The following GOLGA4 variants were observed in gnomAD, a reference collection of about 807,000 sequenced individuals.
GOLGA4 encodes the protein golgin subfamily A member 4.
A neutral mutation model predicts 265.9 loss-of-function variants in GOLGA4; 169 were observed. The observed-to-expected ratio is 0.64, with a 90% CI of 0.56 to 0.72. The LOEUF (loss-of-function observed/expected upper bound fraction) is 0.72, where lower values mean the gene tolerates loss of function less well. GOLGA4 is among the 30% of genes least tolerant of loss of function. The probability of loss-of-function intolerance (pLI) is 0.00; values close to 1 mark genes in which losing one functional copy is unlikely to be tolerated. For missense variants in GOLGA4, 2,482 were observed against 2,483.4 expected, an observed-to-expected ratio of 1.00 and a Z score of 0.01; for synonymous variants, 923 against 855.8, an observed-to-expected ratio of 1.08 and a Z score of -1.37.
At chr3:37,270,966 G>T (rs2096797089) in intron 2 of GOLGA4, among the ~76,000 whole-genome samples, 3 of 151,828 alleles carry the variant, frequency 2.0e-5, no homozygotes, top group Admixed American at 2.0e-4. Flanking sequence ...AGGGTGATGG[G>T]AGACAGTGAC....
At chr3:37,330,946 G>A (rs111930530) in intron 16 of GOLGA4, among the ~76,000 whole-genome samples, 86 of 150,942 alleles carry the variant, frequency 5.7e-4, no homozygotes, top group African/African-American at 2.0e-3. Flanking sequence ...CAGGAGAATC[G>A]CTTGAACCTG....
At chr3:37,364,769 G>A (rs2151102752) in intron 23 of GOLGA4, among the ~76,000 whole-genome samples, 1 of 151,212 alleles carries the variant, frequency 6.6e-6, no homozygotes, top group South Asian at 2.1e-4. Flanking sequence ...TTAAAAAAAA[G>A]TTTGTAGATA....
chr3:37,327,550 A>G lies in GOLGA4; in HGVS notation c.5664A>G (p.Gln1888=), dbSNP rs2096975902. The G allele has an allele frequency of 1.2e-6, 2 of 1,613,818 alleles. No homozygotes were observed. Among genetic ancestry groups the G allele is most frequent in the Non-Finnish European group, 1.7e-6 (2 of 1,179,836 alleles). Residue 1888 remains glutamine (Q), a synonymous_variant, in exon 14 of 24, where the codon CAA becomes CAG. Transcript: ENST00000361924. The part of the protein sequence containing the change: ...TSKYEKLQAL[Q]QMDGRNKPTE... ...AATATGAAAAATTACAGGCTTTACA[A>G]CAGATGGATGGAAGAAATAAACCCA...
At position 37,321,780 on chromosome 3, in the gene GOLGA4, A is replaced by G; in HGVS notation, c.1595A>G (p.Gln532Arg). 6.2e-7 allele frequency: 1 copy of G among 1,612,234 alleles called. No homozygotes were observed. Among genetic ancestry groups the G allele is most frequent in the Non-Finnish European group, 8.5e-7 (1 of 1,179,456 alleles). The change falls in exon 13 of 24, where the codon CAA becomes CGA. Residue 532 changes from glutamine (Q) to arginine (R), a missense_variant. By Grantham distance (43) the Gln-to-Arg change is conservative. Around this residue, in one of 3 missense-constraint regions of GOLGA4, gnomAD observed 1,536 missense variants for 1,483.7 expected, o/e 1.04. Coordinates refer to ENST00000361924, the MANE Select transcript of GOLGA4 (RefSeq NM_002078.5). Reference protein sequence around the residue: ...YLKISQEKEQQESLALEELEL... With the variant: ...YLKISQEKEQRESLALEELEL... ...AAGATCAGCCAAGAAAAAGAACAGCAAGAATCTTTGGCCCTAGAAGAGTTA... is the reference window on the plus strand; with the variant it reads ...AAGATCAGCCAAGAAAAAGAACAGCGAGAATCTTTGGCCCTAGAAGAGTTA...
Position 37,325,527 on chromosome 3 carries a change from C to T in GOLGA4, c.3641C>T (p.Ala1214Val), listed in dbSNP as rs141111369. The change falls in exon 14 of 24, where the codon GCG (alanine) becomes GTG (valine). Residue 1214 changes from alanine (A) to valine (V), a missense_variant. By Grantham distance (64) the Ala-to-Val change is moderately conservative. This residue lies in a region of GOLGA4 where 1,536 missense variants were observed against 1,483.7 expected (regional missense o/e 1.04). Transcript: ENST00000361924. ...LEFKKLSEEL[A>V]IQLDICCKKT... Reference sequence around the variant, plus strand: ...TTTAAAAAACTGTCTGAGGAACTAGCGATTCAGCTAGATATTTGCTGTAAG... The same window carrying T: ...TTTAAAAAACTGTCTGAGGAACTAGTGATTCAGCTAGATATTTGCTGTAAG... 14 of 1,613,560 alleles carry T rather than the reference C, an allele frequency of 8.7e-6. No homozygotes were observed. The highest frequency in any genetic ancestry group is 1.3e-5 in the African/African-American group (1 of 74,890).
chr3:37,295,052 A>G lies in GOLGA4; in HGVS notation c.656A>G (p.Gln219Arg), dbSNP rs369906986. 57 of 1,592,264 alleles carry G rather than the reference A, an allele frequency of 3.6e-5. No homozygotes were observed. The highest frequency in any genetic ancestry group is 4.7e-5 in the Non-Finnish European group (55 of 1,165,868). ...EFDASLEEKD[Q>R]YISVLQTQVS... is the part of the protein sequence containing the mutation. The stretch of plus-strand genomic sequence containing the variant: ...GATGCATCTTTAGAGGAGAAAGATC[A>G]GTATATCAGTGTTCTCCAAACTCAG... The change falls in exon 6 of 24, where the codon CAG (glutamine) becomes CGG (arginine). Residue 219 changes from glutamine (Q) to arginine (R), a missense_variant. By Grantham distance (43) the Gln-to-Arg change is conservative. Transcript: ENST00000361924.
chr3:37,292,727 T>C (rs1701850290), intron 5 of GOLGA4, among the ~76,000 whole-genome samples: 1 of 152,120 alleles, frequency 6.6e-6, no homozygotes, highest in African/African-American at 2.4e-5. Context: ...AGGAAGGACA[T>C]ATTCCCAGGA....
intron 19 of GOLGA4, among the ~76,000 whole-genome samples, chr3:37,338,861 C>CT (rs1284511741): frequency 0.04 from 5,209 of 129,868 alleles, 158 homozygotes; most frequent in African/African-American, 0.055. Flanking sequence ...TTATGTTAGG[C>CT]TTTTTTTTTT....
At chr3:37,342,798 G>A (rs1001257033) in intron 20 of GOLGA4, among the ~76,000 whole-genome samples, 4 of 152,166 alleles carry the variant, frequency 2.6e-5, no homozygotes, top group African/African-American at 9.7e-5. Flanking sequence ...CCCATATTAG[G>A]TTAAGCCAAA....
chr3:37,264,486 T>G (rs914629703), intron 2 of GOLGA4, among the ~76,000 whole-genome samples: 3 of 152,210 alleles, frequency 2.0e-5, no homozygotes, highest in Non-Finnish European at 2.9e-5. Context: ...TTACATAATA[T>G]AAAAGACTTT....
At chr3:37,339,096 T>A (rs2097024348) in intron 19 of GOLGA4, among the ~76,000 whole-genome samples, 1 of 152,098 alleles carries the variant, frequency 6.6e-6, no homozygotes, top group African/African-American at 2.4e-5. Flanking sequence ...TCTCCTGACC[T>A]CATGATCTGC....
chr3:37,306,062 T>A (rs546670978), intron 10 of GOLGA4, among the ~76,000 whole-genome samples: 2 of 152,332 alleles, frequency 1.3e-5, no homozygotes, highest in South Asian at 4.1e-4. Flanking sequence ...TGTTTTTGCA[T>A]GCTGGCATAA....
At chr3:37,257,449 GT>G (rs2096751969) in intron 2 of GOLGA4, among the ~76,000 whole-genome samples, 1 of 152,004 alleles carries the variant, frequency 6.6e-6, no homozygotes, top group Non-Finnish European at 1.5e-5. Flanking sequence ...TCAGTCTCAG[GT>G]TTTCTCATTT....
At chr3:37,246,994 C>A (rs534393088) in intron 1 of GOLGA4, among the ~76,000 whole-genome samples, 1 of 152,056 alleles carries the variant, frequency 6.6e-6, no homozygotes, top group Non-Finnish European at 1.5e-5. Flanking sequence ...AGGGACATAG[C>A]CTTATTGTAA....
At chr3:37,336,251 C>G (rs575109757) in intron 17 of GOLGA4, among the ~76,000 whole-genome samples, 1 of 152,184 alleles carries the variant, frequency 6.6e-6, no homozygotes, top group African/African-American at 2.4e-5. Context: ...GTCATGTAGT[C>G]ATGACTTGAG....
chr3:37,288,622 G>T (rs1402369942), intron 4 of GOLGA4, among the ~76,000 whole-genome samples: 1 of 151,750 alleles, frequency 6.6e-6, no homozygotes, highest in African/African-American at 2.4e-5. Context: ...GACTACAGGC[G>T]CCTGCCACCA....
intron 12 of GOLGA4, among the ~76,000 whole-genome samples, chr3:37,321,303 A>G (rs1443518868): frequency 6.6e-6 from 1 of 152,210 alleles, no homozygotes; most frequent in Non-Finnish European, 1.5e-5. Context: ...TTCTGATTTC[A>G]GTTTGATTTT....
At position 37,366,188 on chromosome 3, in the gene GOLGA4, T is replaced by C; in HGVS notation, c.*142T>C. On this transcript the variant is annotated 3_prime_UTR_variant, in exon 24 of 24. Coordinates refer to ENST00000361924, the MANE Select transcript of GOLGA4 (RefSeq NM_002078.5). ...GAATGAAGTTGTCATTCAGGGCCCC[T>C]CATGTAGCCAAAAGACCAAGAAAAA... 8.2e-6 allele frequency: 9 copies of C among 1,094,502 alleles called. No homozygotes were observed. The highest frequency in any genetic ancestry group is 8.9e-6 in the Non-Finnish European group (7 of 789,120). 67.8% of individuals were successfully genotyped at this position (1,094,502 alleles called of 1,614,324 possible).
Position 37,290,038 on chromosome 3 carries a change from A to G in GOLGA4, c.582+747A>G, listed in dbSNP as rs188111017. 3.4e-3 allele frequency among the ~76,000 whole-genome samples: 521 copies of G among 152,314 alleles called. 4 individuals carry two copies. Among genetic ancestry groups the G allele is most frequent in the African/African-American group, 0.012 (508 of 41,568 alleles). Reference sequence around the variant, plus strand: ...CTAGTGTTATTTTGAGAAGTTTGAAATAGGTAGCTTTAGGACAAATCAAAG... The same window carrying G: ...CTAGTGTTATTTTGAGAAGTTTGAAGTAGGTAGCTTTAGGACAAATCAAAG... On this transcript the variant is annotated intron_variant, in intron 5 of 23. Transcript: ENST00000361924.
Sources: gnomAD v4.1 joint callset for allele counts (sites outside exome capture counted in the v4.1 genomes callset) on GRCh38, gnomAD v4.1.1 for gene constraint, gnomAD v4.1.1 regional missense constraint, MANE v1.5 for transcripts, NCBI Gene and HGNC (gene_info 2026-07-23, HGNC 2026-07-21) for gene names.